Variants in CDX1 observed in about 807,000 individuals in gnomAD.
CDX1 encodes caudal type homeobox 1.
Under a neutral mutation model 16.9 loss-of-function variants are expected in CDX1, and 9 were observed. That is an observed-to-expected ratio of 0.53 (90% CI 0.32 to 0.93). The LOEUF (loss-of-function observed/expected upper bound fraction) is 0.93. Among genes scored for constraint, CDX1 ranks in the 40% least tolerant of loss-of-function variants. The pLI is 0.04. For missense variants in CDX1, 393 were observed against 386.1 expected (o/e 1.02, Z -0.15); for synonymous variants, 179 against 179.0 (o/e 1.00, Z 0.00).
Position 150,183,452 on chromosome 5 carries a change from T to C in CDX1, c.592-22T>C, listed in dbSNP as rs139277017. 67 of 1,576,366 alleles carry C rather than the reference T, an allele frequency of 4.3e-5. 1 individual carries two copies. The African/African-American group carries it at 8.1e-4, about 19-fold the overall frequency. Reference sequence around the variant, plus strand: ...CACTCTCTCCCTGCTGCCCACTCCATCTCTGTCCTCCAACCCCACAGGTGA... The same window carrying C: ...CACTCTCTCCCTGCTGCCCACTCCACCTCTGTCCTCCAACCCCACAGGTGA... On this transcript the variant is annotated intron_variant, in intron 2 of 2. Transcript: ENST00000231656.
At position 150,167,269 on chromosome 5, in the gene CDX1, G is replaced by GC; in HGVS notation, c.396dup (p.Tyr133LeufsTer18). Reference sequence around the variant, plus strand: ...CCTCGCCCGGAGCGCAGAGGCCGACGCCCTACGAGTGGATGCGGCGCAGCG... The same window carrying GC: ...CCTCGCCCGGAGCGCAGAGGCCGACGCCCCTACGAGTGGATGCGGCGCAGCG... On this transcript the variant is annotated frameshift_variant, in exon 1 of 3. Transcript: ENST00000231656. LOFTEE classifies it high-confidence loss of function. 1 of 1,264,192 alleles carries GC rather than the reference G, an allele frequency of 7.9e-7. No individual in the cohort carries two copies. Among genetic ancestry groups the GC allele is most frequent in the Non-Finnish European group, 9.9e-7 (1 of 1,010,544 alleles). The allele number at this position is 1,264,192 out of a possible 1,614,324, so 78.3% of individuals were successfully genotyped here. A position where few individuals can be genotyped will look rare whatever the true frequency, so the allele number is the denominator to read the frequency against.
intron 1 of CDX1, among the ~76,000 whole-genome samples, chr5:150,178,908 T>C (rs1467770618): frequency 6.6e-6 from 1 of 152,182 alleles, no homozygotes; most frequent in Non-Finnish European, 1.5e-5. Context: ...GGTTTTGAAA[T>C]TTCTTTTTAA....
chr5:150,167,558 C>T (rs907577137), intron 1 of CDX1, among the ~76,000 whole-genome samples: 1 of 152,222 alleles, frequency 6.6e-6, no homozygotes, highest in African/African-American at 2.4e-5. Context: ...ACCGAGACCC[C>T]CTGCGAAGTG....
intron 1 of CDX1, among the ~76,000 whole-genome samples, chr5:150,178,360 C>T (rs1007011419): frequency 6.6e-6 from 1 of 152,246 alleles, no homozygotes; most frequent in African/African-American, 2.4e-5. Flanking sequence ...CTCCCTCCCA[C>T]CCATTCACAC....
intron 1 of CDX1, among the ~76,000 whole-genome samples, chr5:150,167,784 C>T (rs1454520594): frequency 6.6e-6 from 1 of 152,248 alleles, no homozygotes; most frequent in Admixed American, 6.5e-5. Flanking sequence ...AGGGCTGGGT[C>T]TCCCCATCAC....
chr5:150,166,883 G>A lies in CDX1; in HGVS notation c.7G>A (p.Val3Met), dbSNP rs778219165. The A allele has an allele frequency of 5.3e-6, 8 of 1,506,108 alleles. No individual in the cohort carries two copies. The East Asian group carries it at 2.0e-4, about 37-fold the overall frequency. 93.3% of individuals were successfully genotyped at this position (1,506,108 alleles called of 1,614,324 possible). ...GGGGGACCCCGCGGCCACCATGTAT[G>A]TGGGCTATGTGCTGGACAAGGATTC... MYVGYVLDKDSPV... is the reference protein window; with the variant it reads MYMGYVLDKDSPV... Residue 3 changes from valine to methionine, a missense_variant, in exon 1 of 3, where the codon GTG (valine) becomes ATG (methionine). Val to Met is a conservative substitution (Grantham distance 21, BLOSUM62 1). Transcript: ENST00000231656.
rs779628754 is a variant in CDX1, at chr5:150,183,620, C to T, written c.738C>T (p.Ser246=). ...CATCCCTGGGGGGCCTGTGTCCCAG[C>T]AACACCAGCCTCCTGGCCACCTCCT... The part of the protein sequence containing the change: ...AGPSLGGLCP[S]NTSLLATSSP... Residue 246 remains serine (S), a synonymous_variant, in exon 3 of 3, where the codon AGC becomes AGT. Coordinates refer to ENST00000231656, the MANE Select transcript of CDX1 (RefSeq NM_001804.3). 1 of 1,608,712 alleles carries T rather than the reference C, an allele frequency of 6.2e-7. No individual in the cohort carries two copies. The highest frequency in any genetic ancestry group is 8.5e-7 in the Non-Finnish European group (1 of 1,176,410).
chr5:150,174,476 T>C (rs1173462624), intron 1 of CDX1, among the ~76,000 whole-genome samples: 1 of 152,174 alleles, frequency 6.6e-6, no homozygotes, highest in Non-Finnish European at 1.5e-5. Context: ...TGTGCTGCAG[T>C]GTGGGCGTCC....
At position 150,166,908 on chromosome 5, in the gene CDX1, C is replaced by A; in HGVS notation, c.32C>A (p.Ser11Ter). 6.6e-7 allele frequency: 1 copy of A among 1,519,246 alleles called. No individual in the cohort carries two copies. Among genetic ancestry groups the A allele is most frequent in the Admixed American group, 2.1e-5 (1 of 46,806 alleles). The allele number at this position is 1,519,246 out of a possible 1,614,324, so 94.1% of individuals were successfully genotyped here. ...GTGGGCTATGTGCTGGACAAGGATT[C>A]GCCCGTGTACCCCGGCCCAGCCAGG... MYVGYVLDKD[S>*]PVYPGPARPA... Residue 11 changes from serine (S) to a stop codon, truncating the protein, a stop_gained, in exon 1 of 3, where the codon TCG becomes TAG. Transcript: ENST00000231656. LOFTEE classifies it high-confidence loss of function.
In CDX1 at chr5:150,174,526, T is replaced by A. The variant is rs140928287; in HGVS notation, c.445+7205T>A. 1.8e-3 allele frequency among the ~76,000 whole-genome samples: 274 copies of A among 152,326 alleles called. 1 individual carries two copies. The highest frequency in any genetic ancestry group is 6.1e-3 in the African/African-American group (254 of 41,578). ...GTTTGATCTAGCAGCGTTTGTCCAG[T>A]AGGACTTTCCGCCAGGATGGAAATG... On this transcript the variant is annotated intron_variant, in intron 1 of 2. Coordinates refer to ENST00000231656, the MANE Select transcript of CDX1 (RefSeq NM_001804.3).
intron 1 of CDX1, among the ~76,000 whole-genome samples, chr5:150,168,745 C>A (rs1761465242): frequency 6.6e-6 from 1 of 152,222 alleles, no homozygotes; most frequent in African/African-American, 2.4e-5. Flanking sequence ...TAATTCTCTA[C>A]ACAACAGCTC....
intron 1 of CDX1, among the ~76,000 whole-genome samples, chr5:150,174,007 C>T (rs765220021): frequency 4.6e-5 from 7 of 152,240 alleles, no homozygotes; most frequent in Non-Finnish European, 8.8e-5. Context: ...TCATCAAGTA[C>T]TCACTGTGTG....
At chr5:150,180,210 T>C (rs1761624703) in intron 1 of CDX1, among the ~76,000 whole-genome samples, 1 of 152,248 alleles carries the variant, frequency 6.6e-6, no homozygotes. Flanking sequence ...GAACTGTTTT[T>C]GAGCCGGCGT....
chr5:150,169,373 G>A (rs558700193), intron 1 of CDX1, among the ~76,000 whole-genome samples: 6 of 152,066 alleles, frequency 3.9e-5, no homozygotes, highest in Non-Finnish European at 7.4e-5. Flanking sequence ...CTTGCTCTCC[G>A]AGAGTAGAGG....
intron 1 of CDX1, among the ~76,000 whole-genome samples, chr5:150,176,004 T>C (rs943012941): frequency 6.6e-6 from 1 of 152,202 alleles, no homozygotes; most frequent in Non-Finnish European, 1.5e-5. Context: ...GGAAATTCAG[T>C]CACTTGTCAA....
At chr5:150,177,755 G>A (rs2113952375) in intron 1 of CDX1, among the ~76,000 whole-genome samples, 1 of 152,310 alleles carries the variant, frequency 6.6e-6, no homozygotes, top group Admixed American at 6.5e-5. Flanking sequence ...TCAGAGAGGT[G>A]GGGAGACTGT....
chr5:150,181,911 T>G (rs1752447095), intron 1 of CDX1, among the ~76,000 whole-genome samples: 1 of 152,160 alleles, frequency 6.6e-6, no homozygotes, highest in South Asian at 2.1e-4. Context: ...GCCCGGTGCC[T>G]GGACACAGGG....
At chr5:150,182,659 C>A in intron 1 of CDX1, 109 bp from the exon 2 acceptor site, 4 of 1,051,752 alleles carry the variant, frequency 3.8e-6, no homozygotes, top group Non-Finnish European at 4.1e-6. Context: ...ACCTCAGGGT[C>A]CTACTTCAGG....
intron 1 of CDX1, 117 bp downstream of exon 1, chr5:150,167,438 T>G: frequency 1.7e-6 from 1 of 605,920 alleles, no homozygotes; most frequent in Non-Finnish European, 2.4e-6. Context: ...AGTGTGGCCC[T>G]CCTGTCCACT....
Sources: gnomAD v4.1 joint callset for allele counts (sites outside exome capture counted in the v4.1 genomes callset) on GRCh38, gnomAD v4.1.1 for gene constraint, MANE v1.5 for transcripts, NCBI Gene and HGNC (gene_info 2026-07-23, HGNC 2026-07-21) for gene names.